The following ERG variants were observed in gnomAD, a reference collection of about 807,000 sequenced individuals.
The protein encoded by ERG is ETS transcription factor ERG.
Under a neutral mutation model 55.3 loss-of-function variants are expected in ERG, and 9 were observed. The ratio of observed to expected loss-of-function variants is 0.16; its 90% CI spans 0.10 to 0.28. The LOEUF is 0.28. Among genes scored for constraint, ERG ranks in the 10% least tolerant of loss-of-function variants. ERG has a pLI of 1.00. For synonymous variants in ERG, 223 were observed against 237.3 expected, an observed-to-expected ratio of 0.94 and a Z score of 0.55; for missense variants, 434 against 631.6, an observed-to-expected ratio of 0.69 and a Z score of 3.35.
chr21:38,473,088 A>AG (rs935825968), intron 1 of ERG, among the ~76,000 whole-genome samples: 7 of 150,470 alleles, frequency 4.7e-5, no homozygotes, highest in Non-Finnish European at 8.8e-5. Flanking sequence ...TCTGAGGTGT[A>AG]GCAAGTTTTC....
rs1483932570 is a variant in ERG at position 38,483,379 on chromosome 21, T to C, written c.18+14984A>G. The stretch of plus-strand genomic sequence containing the variant: ...TCAGAACCTTATCACCATCTTCATG[T>C]ATATCAAAACATCATGTTGTACACC... On this transcript the variant is annotated intron_variant, in intron 1 of 9. Coordinates refer to ENST00000288319, the MANE Select transcript of ERG (RefSeq NM_182918.4). 3.3e-5 allele frequency among the ~76,000 whole-genome samples: 5 copies of C among 152,326 alleles called. No homozygotes were observed. In the East Asian group the frequency reaches 5.8e-4, roughly 18 times the overall value.
chr21:38,580,186 C>T (rs1453969556), intron 1 of ERG, among the ~76,000 whole-genome samples: 2 of 152,198 alleles, frequency 1.3e-5, no homozygotes, highest in Non-Finnish European at 2.9e-5. Context: ...ATCTCCTGAC[C>T]TCGTGATCCA....
At chr21:38,575,669 T>C in exon 2 of ERG, 1 of 1,613,864 alleles carries the variant, frequency 6.2e-7, no homozygotes, top group Non-Finnish European at 8.5e-7. Flanking sequence ...TACCTTGATA[T>C]GAGCTGCTGG....
chr21:38,600,270 G>A (rs775946173), intron 1 of ERG, among the ~76,000 whole-genome samples: 5 of 152,234 alleles, frequency 3.3e-5, no homozygotes, highest in Admixed American at 6.5e-5. Context: ...CATCAAGGCA[G>A]TTTTGACAAC....
intron 1 of ERG, among the ~76,000 whole-genome samples, chr21:38,622,889 C>G (rs1285923357): frequency 6.7e-6 from 1 of 149,692 alleles, no homozygotes; most frequent in Non-Finnish European, 1.5e-5. Context: ...ATCATATATA[C>G]CACACACACC....
At chr21:38,557,400 C>T (rs956327114) in intron 2 of ERG, among the ~76,000 whole-genome samples, 1 of 152,086 alleles carries the variant, frequency 6.6e-6, no homozygotes, top group Non-Finnish European at 1.5e-5. Flanking sequence ...AGAAGCTACA[C>T]AGTTGGCCCC....
Position 38,383,969 on chromosome 21 carries a change from C to T in ERG, c.920-46G>A. 6.4e-7 allele frequency: 1 copy of T among 1,569,178 alleles called. No individual in the cohort carries two copies. Among genetic ancestry groups the T allele is most frequent in the Non-Finnish European group, 8.6e-7 (1 of 1,159,254 alleles). Reference sequence around the variant, plus strand: ...AGGAAAACTCCAGTGAGCACAGGTTCCAGGGGAAAGAGGCTCTCTGTGATG... The same window carrying T: ...AGGAAAACTCCAGTGAGCACAGGTTTCAGGGGAAAGAGGCTCTCTGTGATG... On this transcript the variant is annotated intron_variant, in intron 9 of 9. Transcript: ENST00000288319. The surrounding 1 kb of genome is among the most constrained non-coding windows in gnomAD (Gnocchi z 5.7).
chr21:38,373,783 A>C, the ERG span, among the ~76,000 whole-genome samples: 1 of 152,176 alleles, frequency 6.6e-6, no homozygotes, highest in Non-Finnish European at 1.5e-5. Context: ...TGTAGATCAA[A>C]TCTTTGTTGT....
chr21:38,575,700 T>C (rs995968290), exon 2 of ERG: 9 of 1,613,986 alleles, frequency 5.6e-6, no homozygotes, highest in East Asian at 2.2e-5. Context: ...GTCTGAATCA[T>C]GTCCTTCAGT....
intron 1 of ERG, among the ~76,000 whole-genome samples, chr21:38,649,684 C>T (rs1308449448): frequency 6.6e-6 from 1 of 152,196 alleles, no homozygotes; most frequent in African/African-American, 2.4e-5. Flanking sequence ...ATCAAGTGGA[C>T]ATGCAGGAGG....
At chr21:38,569,030 C>G (rs1240374720) in intron 2 of ERG, among the ~76,000 whole-genome samples, 3 of 152,132 alleles carry the variant, frequency 2.0e-5, no homozygotes, top group Non-Finnish European at 4.4e-5. Context: ...CTACAGGCAG[C>G]CCCCCTGAGA....
chr21:38,445,609 C>T lies in ERG; in HGVS notation c.31G>A (p.Val11Ile), dbSNP rs1302693098. 1.9e-6 allele frequency: 3 copies of T among 1,613,884 alleles called. No homozygotes were observed. The highest frequency in any genetic ancestry group is 2.5e-6 in the Non-Finnish European group (3 of 1,179,918). The stretch of plus-strand genomic sequence containing the variant: ...AACAACGACTGGTCCTCACTCACAA[C>T]TGATAAGGCTTCCTGAATGCCCAAA... Reference protein sequence around the residue: MASTIKEALSVVSEDQSLFEC... With the variant: MASTIKEALSIVSEDQSLFEC... Residue 11 changes from valine to isoleucine, a missense_variant, in exon 2 of 10, where the codon GTT becomes ATT. Transcript: ENST00000288319.
chr21:38,413,093 C>G (rs1172555168), intron 3 of ERG, among the ~76,000 whole-genome samples: 1 of 152,148 alleles, frequency 6.6e-6, no homozygotes, highest in Admixed American at 6.5e-5. Context: ...GATTTCATTC[C>G]TTGCCCCTAG....
At chr21:38,390,398 A>G (rs1369930415) in intron 9 of ERG, among the ~76,000 whole-genome samples, 1 of 152,210 alleles carries the variant, frequency 6.6e-6, no homozygotes, top group African/African-American at 2.4e-5. Flanking sequence ...TCAATTCCCT[A>G]TGTTGAAATC....
chr21:38,405,007 G>A (rs758499675), intron 3 of ERG, among the ~76,000 whole-genome samples: 5 of 151,802 alleles, frequency 3.3e-5, no homozygotes, highest in East Asian at 1.9e-4. Context: ...TCCTTCCTTC[G>A]CTTCTCCCTC....
intron 1 of ERG, among the ~76,000 whole-genome samples, chr21:38,490,977 G>T (rs1467645312): frequency 6.6e-6 from 1 of 152,156 alleles, no homozygotes; most frequent in Non-Finnish European, 1.5e-5. Flanking sequence ...CAACCTTCAT[G>T]TTTTTGATGC....
At chr21:38,453,105 G>C (rs749068742) in intron 1 of ERG, among the ~76,000 whole-genome samples, 1 of 152,152 alleles carries the variant, frequency 6.6e-6, no homozygotes, top group Non-Finnish European at 1.5e-5. Context: ...GGAGTTCCAG[G>C]GAGTTTGGAA....
intron 1 of ERG, chr21:38,470,727 A>G (rs763143255): frequency 5.9e-5 from 9 of 152,248 alleles, no homozygotes; most frequent in Non-Finnish European, 1.0e-4. Context: ...GACCATGGAA[A>G]ACTAAAAGTA....
At chr21:38,606,141 T>A (rs2060195767) in intron 1 of ERG, among the ~76,000 whole-genome samples, 1 of 152,040 alleles carries the variant, frequency 6.6e-6, no homozygotes, top group Non-Finnish European at 1.5e-5. Flanking sequence ...AGATAAATGA[T>A]TGATGGAAGA....
Sources: allele counts gnomAD v4.1 joint callset (sites outside exome capture counted in the v4.1 genomes callset), GRCh38; gene constraint gnomAD v4.1.1; non-coding constraint Gnocchi (gnomAD v3.1); transcripts MANE v1.5; gene names NCBI Gene and HGNC (gene_info 2026-07-23, HGNC 2026-07-21).